The following SH3BGRL2 variants were observed in gnomAD, a reference collection of about 807,000 sequenced individuals.
The protein encoded by SH3BGRL2 is SH3 domain binding glutamate rich protein like 2.
Under a neutral mutation model 14.8 loss-of-function variants are expected in SH3BGRL2, and 21 were observed. The ratio of observed to expected loss-of-function variants is 1.42; its 90% CI spans 1.01 to 2.05. The LOEUF (loss-of-function observed/expected upper bound fraction) is 2.05, where lower values mean the gene tolerates loss of function less well. Among genes scored for constraint, SH3BGRL2 ranks in the 30% most tolerant of loss-of-function variants. The pLI is 0.00. For missense variants in SH3BGRL2, 147 were observed against 130.8 expected (o/e 1.12, Z -0.61); for synonymous variants, 50 against 47.8 (o/e 1.05, Z -0.19).
chr6:79,684,345 T>C (rs530802926), intron 2 of SH3BGRL2, among the ~76,000 whole-genome samples: 1 of 152,300 alleles, frequency 6.6e-6, no homozygotes, highest in South Asian at 2.1e-4. Flanking sequence ...CCCAGCAAAC[T>C]TGTGCCTTAT....
chr6:79,570,393 T>C, the SH3BGRL2 span, among the ~76,000 whole-genome samples: 1 of 152,216 alleles, frequency 6.6e-6, no homozygotes, highest in African/African-American at 2.4e-5. Flanking sequence ...CATTACTCAC[T>C]GCTGGAAAGA....
intron 1 of SH3BGRL2, among the ~76,000 whole-genome samples, chr6:79,649,931 G>T (rs553997426): frequency 6.6e-6 from 1 of 151,094 alleles, no homozygotes; most frequent in African/African-American, 2.4e-5. Context: ...TTTTTAAAGG[G>T]TTTTGTTTTG....
the SH3BGRL2 span, among the ~76,000 whole-genome samples, chr6:79,540,615 T>C: frequency 6.6e-6 from 1 of 152,152 alleles, no homozygotes; most frequent in Non-Finnish European, 1.5e-5. Flanking sequence ...TTCTGATCAC[T>C]TGATGAAATG....
the SH3BGRL2 span, among the ~76,000 whole-genome samples, chr6:79,587,351 T>C: frequency 2.0e-5 from 3 of 151,730 alleles, no homozygotes; most frequent in Non-Finnish European, 4.4e-5. Flanking sequence ...CTGTGGACCT[T>C]AGAATGACAG....
In SH3BGRL2 at chr6:79,645,514, C is replaced by T. The variant is rs1272648762; in HGVS notation, c.45+14008C>T. Among the ~76,000 whole-genome samples, 3 of 152,280 alleles carry T rather than the reference C, an allele frequency of 2.0e-5. 1 individual carries two copies. The East Asian group carries it at 5.8e-4, about 29-fold the overall frequency. On this transcript the variant is annotated intron_variant, in intron 1 of 3. Transcript: ENST00000369838. Reference sequence around the variant, plus strand: ...AGGGCCTGTATCCTTGGTGTCTACACAGCCCCTCATCATTCTCACCATTTT... The same window carrying T: ...AGGGCCTGTATCCTTGGTGTCTACATAGCCCCTCATCATTCTCACCATTTT...
the SH3BGRL2 span, among the ~76,000 whole-genome samples, chr6:79,598,808 C>T: frequency 1.3e-5 from 2 of 150,790 alleles, no homozygotes. Flanking sequence ...CTCGGCTGGG[C>T]GCGGTGGCTC....
At chr6:79,686,938 TC>T (rs969297658) in intron 2 of SH3BGRL2, among the ~76,000 whole-genome samples, 5 of 152,122 alleles carry the variant, frequency 3.3e-5, no homozygotes, top group African/African-American at 1.2e-4. Context: ...AGGGTGAACT[TC>T]CTTTCCATTT....
chr6:79,681,867 G>A (rs1022757776), intron 2 of SH3BGRL2, among the ~76,000 whole-genome samples: 5 of 151,836 alleles, frequency 3.3e-5, no homozygotes, highest in East Asian at 1.9e-4. Flanking sequence ...CAGGAGAATC[G>A]CTTGATCCCA....
At chr6:79,586,235 C>CTTT in the SH3BGRL2 span, among the ~76,000 whole-genome samples, 24 of 54,966 alleles carry the variant, frequency 4.4e-4, 3 homozygotes, top group East Asian at 2.9e-3. Flanking sequence ...GTATGGACTT[C>CTTT]TTTTTTTTTT....
At chr6:79,675,057 G>A (rs950665565) in intron 2 of SH3BGRL2, among the ~76,000 whole-genome samples, 1 of 152,142 alleles carries the variant, frequency 6.6e-6, no homozygotes, top group African/African-American at 2.4e-5. Context: ...GATATAAAAT[G>A]TACTCTTGTG....
At chr6:79,626,657 G>A (rs934932307), upstream of SH3BGRL2, among the ~76,000 whole-genome samples, 3 of 152,336 alleles carry the variant, frequency 2.0e-5, no homozygotes, top group East Asian at 5.8e-4. Flanking sequence ...ATAGGGCTGT[G>A]CCTGTAGATG....
At chr6:79,647,408 T>G (rs988457217) in intron 1 of SH3BGRL2, among the ~76,000 whole-genome samples, 1 of 152,104 alleles carries the variant, frequency 6.6e-6, no homozygotes. Flanking sequence ...ATAACAGAAT[T>G]GAGTCTTTAG....
the SH3BGRL2 span, among the ~76,000 whole-genome samples, chr6:79,549,181 C>G: frequency 6.6e-6 from 1 of 152,168 alleles, no homozygotes; most frequent in African/African-American, 2.4e-5. Flanking sequence ...GGAATGAAGA[C>G]AGCAGTTCAC....
chr6:79,556,640 C>G, the SH3BGRL2 span, among the ~76,000 whole-genome samples: 1 of 151,924 alleles, frequency 6.6e-6, no homozygotes, highest in African/African-American at 2.4e-5. Context: ...AGTAGTTCCA[C>G]TTTTAGAATT....
intron 1 of SH3BGRL2, among the ~76,000 whole-genome samples, chr6:79,638,664 T>C (rs993915390): frequency 7.9e-5 from 12 of 152,174 alleles, no homozygotes; most frequent in African/African-American, 2.9e-4. Flanking sequence ...GCAATTTCAT[T>C]ATCATTTTGA....
Position 79,699,552 on chromosome 6 carries a change from C to T in SH3BGRL2, c.*43C>T, listed in dbSNP as rs1311433537. 3.9e-6 allele frequency: 6 copies of T among 1,548,274 alleles called. No homozygotes were observed. Among genetic ancestry groups the T allele is most frequent in the East Asian group, 2.3e-5 (1 of 44,140 alleles). ...TGACGGAGATGCATTTTGAAGCACC[C>T]CTGGTACTCAGCACACACATGCTTA... On this transcript the variant is annotated 3_prime_UTR_variant, in exon 4 of 4. Transcript: ENST00000369838.
intron 1 of SH3BGRL2, 147 bp from the exon 2 acceptor site, chr6:79,673,467 T>G: frequency 1.1e-5 from 8 of 697,750 alleles, no homozygotes; most frequent in Non-Finnish European, 1.9e-5. Flanking sequence ...AGTCTTCCAC[T>G]GGATATCTAG....
rs145212927 is a variant in SH3BGRL2, at chr6:79,635,339, G to A, written c.45+3833G>A. Among the ~76,000 whole-genome samples, 371 of 152,284 alleles carry A rather than the reference G, an allele frequency of 2.4e-3. 2 individuals are homozygous for A. Among genetic ancestry groups the A allele is most frequent in the African/African-American group, 7.9e-3 (329 of 41,564 alleles). On this transcript the variant is annotated intron_variant, in intron 1 of 3. Coordinates refer to ENST00000369838, the MANE Select transcript of SH3BGRL2 (RefSeq NM_031469.4). Reference sequence around the variant, plus strand: ...GGCATAGAGATTAAGTGGCTTTTCCGGAAGCCATTTATGTCCAGTCAGTGC... The same window carrying A: ...GGCATAGAGATTAAGTGGCTTTTCCAGAAGCCATTTATGTCCAGTCAGTGC...
At chr6:79,589,791 T>C in the SH3BGRL2 span, among the ~76,000 whole-genome samples, 235 of 152,338 alleles carry the variant, frequency 1.5e-3, 1 homozygote, top group Middle Eastern at 0.01. Context: ...TTGTTTGTTT[T>C]TGGGACAGGG....
Sources: gnomAD v4.1 joint callset for allele counts (sites outside exome capture counted in the v4.1 genomes callset) on GRCh38, gnomAD v4.1.1 for gene constraint, MANE v1.5 for transcripts, NCBI Gene and HGNC (gene_info 2026-07-23, HGNC 2026-07-21) for gene names.